Variants in SLC2A5 observed in about 807,000 individuals in gnomAD.
SLC2A5 encodes the protein solute carrier family 2, facilitated glucose transporter member 5.
SLC2A5 carries 56 observed loss-of-function variants against 50.3 expected under a neutral mutation model. The ratio of observed to expected loss-of-function variants is 1.11; its 90% confidence interval spans 0.90 to 1.39. The LOEUF is 1.39. Ranked by LOEUF, SLC2A5 falls within the 40% of genes most tolerant of loss-of-function variation. The pLI is 0.00. For missense variants in SLC2A5, 566 were observed against 650.1 expected (o/e 0.87, Z 1.41); for synonymous variants, 269 against 281.9 (o/e 0.95, Z 0.46).
At chr1:9,057,411 A>G (rs376822049) in intron 3 of SLC2A5, 37 bp downstream of exon 3, 2 of 1,544,262 alleles carry the variant, frequency 1.3e-6, no homozygotes, top group Admixed American at 1.8e-5. Flanking sequence ...ATGGGGGTCT[A>G]TGAGTTTCAG....
At chr1:9,053,127 T>TATAATATATATTATATATTTATATA (rs1399071563) in intron 3 of SLC2A5, among the ~76,000 whole-genome samples, 1 of 108,732 alleles carries the variant, frequency 9.2e-6, no homozygotes, top group Non-Finnish European at 1.7e-5. Context: ...TATATTTATA[T>TATAATATATATTATATATTTATATA]TACATATATT....
intron 3 of SLC2A5, among the ~76,000 whole-genome samples, chr1:9,055,380 G>C (rs773282267): frequency 6.6e-6 from 1 of 152,044 alleles, no homozygotes; most frequent in Non-Finnish European, 1.5e-5. Flanking sequence ...AGCTGGGTGT[G>C]GTGGCATGCG....
At chr1:9,083,094 A>G (rs1397605174) in intron 2 of SLC2A5, among the ~76,000 whole-genome samples, 1 of 152,244 alleles carries the variant, frequency 6.6e-6, no homozygotes, top group Non-Finnish European at 1.5e-5. Flanking sequence ...AAAGAAATCA[A>G]TACTAGCCTG....
Position 9,047,661 on chromosome 1 carries a change from T to C in SLC2A5, c.367A>G (p.Thr123Ala). The C allele has an allele frequency of 6.2e-7, 1 of 1,613,960 alleles. No homozygotes were observed. Among genetic ancestry groups the C allele is most frequent in the Non-Finnish European group, 8.5e-7 (1 of 1,179,810 alleles). Residue 123 changes from threonine (T) to alanine (A), a missense_variant, in exon 4 of 12, where the codon ACA (threonine) becomes GCA (alanine). By Grantham distance (58) the Thr-to-Ala change is moderately conservative. Transcript: ENST00000377424. ...AILMGCSRVA[T>A]SFELIIISRL... ...GAAATAATGATAAGCTCAAATGATG[T>C]GGCGACTCTGCTGCATCCCATTAAG...
At chr1:9,046,563 T>G (rs924415751) in intron 4 of SLC2A5, among the ~76,000 whole-genome samples, 1 of 152,130 alleles carries the variant, frequency 6.6e-6, no homozygotes, top group African/African-American at 2.4e-5. Context: ...GTTAGCACCT[T>G]TCTGGTAGTG....
At chr1:9,087,107 C>A (rs1642408365) in intron 1 of SLC2A5, among the ~76,000 whole-genome samples, 1 of 152,168 alleles carries the variant, frequency 6.6e-6, no homozygotes, top group Non-Finnish European at 1.5e-5. Flanking sequence ...GAGAGAAGAG[C>A]TGTCTCACCT....
rs910856917 is a variant in SLC2A5 at position 9,039,619 on chromosome 1, G to C, written c.929C>G (p.Pro310Arg). The C allele has an allele frequency of 1.5e-5, 24 of 1,568,182 alleles. No individual in the cohort carries two copies. The highest frequency in any genetic ancestry group is 3.3e-4 in the Middle Eastern group (2 of 6,032). ...CGTCACGTACTGCACGTGCTCCTCCGGCACGCCGGCGCTCAGGTAGATCTG... is the reference window on the plus strand; with the variant it reads ...CGTCACGTACTGCACGTGCTCCTCCCGCACGCCGGCGCTCAGGTAGATCTG... ...ADQIYLSAGV[P>R]EEHVQYVTAG... The change falls in exon 8 of 12, where the codon CCG becomes CGG. Residue 310 changes from proline (P) to arginine (R), a missense_variant. Pro to Arg is a moderately radical substitution (Grantham distance 103). Coordinates refer to ENST00000377424, the MANE Select transcript of SLC2A5 (RefSeq NM_003039.3).
chr1:9,084,255 C>A (rs1642383138), intron 2 of SLC2A5, among the ~76,000 whole-genome samples: 1 of 152,224 alleles, frequency 6.6e-6, no homozygotes, highest in South Asian at 2.1e-4. Flanking sequence ...GAGAAACCCT[C>A]ACCTTTTTCC....
exon 1 of SLC2A5, chr1:9,088,398 GGGTGGCTGCA>G (rs1642424446): frequency 6.6e-6 from 1 of 152,152 alleles, no homozygotes; most frequent in Non-Finnish European, 1.5e-5. Context: ...CCAGCCCCTT[GGGTGGCTGCA>G]GTTTGCCAAC....
chr1:9,093,168 A>G (rs2124495588), upstream of SLC2A5, among the ~76,000 whole-genome samples: 1 of 152,254 alleles, frequency 6.6e-6, no homozygotes. Flanking sequence ...TACAGCCAGG[A>G]GACTGGGTTC....
intron 1 of SLC2A5, 95 bp from the exon 2 acceptor site, chr1:9,058,345 A>G (rs1327404467): frequency 1.2e-6 from 1 of 850,694 alleles, no homozygotes; most frequent in Non-Finnish European, 2.0e-6. Flanking sequence ...ACAGAATCTG[A>G]AGATCCATAG....
intron 3 of SLC2A5, among the ~76,000 whole-genome samples, chr1:9,047,958 C>T (rs538048975): frequency 3.9e-5 from 6 of 151,988 alleles, no homozygotes; most frequent in African/African-American, 1.2e-4. Context: ...GTCCAGAGGG[C>T]GTCAGTGGTG....
At chr1:9,058,970 A>T (rs1042538382) in intron 1 of SLC2A5, among the ~76,000 whole-genome samples, 2 of 151,950 alleles carry the variant, frequency 1.3e-5, no homozygotes, top group African/African-American at 4.8e-5. Flanking sequence ...TTCATCTCTG[A>T]AATGAGGACA....
upstream of SLC2A5, among the ~76,000 whole-genome samples, chr1:9,092,586 C>T (rs1642470916): frequency 6.6e-6 from 1 of 152,126 alleles, no homozygotes; most frequent in East Asian, 1.9e-4. Flanking sequence ...CCCATATGCC[C>T]CCAGTAAAAA....
At chr1:9,088,880 C>A (rs12756959), upstream of SLC2A5, among the ~76,000 whole-genome samples, 34,096 of 152,020 alleles carry the variant, frequency 0.22, 4,528 homozygotes, top group East Asian at 0.51. Flanking sequence ...TAAAGGCATC[C>A]CTTGCGCTCA....
chr1:9,057,179 A>G (rs1641776188), intron 3 of SLC2A5, among the ~76,000 whole-genome samples: 1 of 151,784 alleles, frequency 6.6e-6, no homozygotes, highest in African/African-American at 2.4e-5. Flanking sequence ...TCCCAGGATC[A>G]GGAGGCTGAG....
In SLC2A5 at chr1:9,040,301, G is replaced by A; in HGVS notation, c.572-112C>T. On this transcript the variant is annotated intron_variant, in intron 5 of 11. Transcript: ENST00000377424. The surrounding 1 kb of genome is among the most constrained non-coding windows in gnomAD (Gnocchi z 4.3). Reference sequence around the variant, plus strand: ...CTGAGTGGGGTGCAGGCTCCAGGAGGGCACAGCTTTCCCAGCCCTAAGAAC... The same window carrying A: ...CTGAGTGGGGTGCAGGCTCCAGGAGAGCACAGCTTTCCCAGCCCTAAGAAC... 1 of 1,320,214 alleles carries A rather than the reference G, an allele frequency of 7.6e-7. No individual in the cohort carries two copies. Among genetic ancestry groups the A allele is most frequent in the Non-Finnish European group, 1.0e-6 (1 of 987,450 alleles). The allele number at this position is 1,320,214 out of a possible 1,614,324, so 81.8% of individuals were successfully genotyped here.
upstream of SLC2A5, among the ~76,000 whole-genome samples, chr1:9,091,575 C>T (rs964383262): frequency 3.9e-5 from 6 of 152,162 alleles, no homozygotes; most frequent in African/African-American, 1.2e-4. Context: ...ATATTCAACT[C>T]TCTCAACCCT....
chr1:9,060,543 C>A (rs1042999712), intron 1 of SLC2A5, among the ~76,000 whole-genome samples: 14 of 146,030 alleles, frequency 9.6e-5, no homozygotes, highest in African/African-American at 3.5e-4. Context: ...ACACACCACA[C>A]ACATACCCCA....
Sources: allele counts gnomAD v4.1 joint callset (sites outside exome capture counted in the v4.1 genomes callset), GRCh38; gene constraint gnomAD v4.1.1; non-coding constraint Gnocchi (gnomAD v3.1); transcripts MANE v1.5; gene names NCBI Gene and HGNC (gene_info 2026-07-23, HGNC 2026-07-21).